The following CNKSR2 variants were observed in gnomAD, a reference collection of about 807,000 sequenced individuals.
CNKSR2 encodes the protein connector enhancer of kinase suppressor of Ras 2, also known as CNK homolog protein 2.
A neutral mutation model predicts 84.4 loss-of-function variants in CNKSR2; 14 were observed. The observed-to-expected ratio is 0.17, with a 90% CI of 0.11 to 0.26. The LOEUF is 0.26. CNKSR2 is among the 10% of genes least tolerant of loss of function. CNKSR2 has a pLI of 1.00. For synonymous variants in CNKSR2, 275 were observed against 277.9 expected, an observed-to-expected ratio of 0.99 and a Z score of 0.10; for missense variants, 485 against 771.2, an observed-to-expected ratio of 0.63 and a Z score of 4.40.
intron 1 of CNKSR2, among the ~76,000 whole-genome samples, chrX:21,419,911 T>A (rs966936497): frequency 2.7e-5 from 3 of 112,064 alleles, no homozygotes; most frequent in Non-Finnish European, 5.6e-5. Context: ...CTGCTTATGT[T>A]CTCTCAAGAC....
chrX:21,538,801 C>A (rs760063506), intron 11 of CNKSR2: 10 of 112,595 alleles, frequency 8.9e-5, no homozygotes, highest in African/African-American at 3.2e-4. Flanking sequence ...GGCTGAAGAA[C>A]CTGGAGTCTG....
intron 11 of CNKSR2, among the ~76,000 whole-genome samples, chrX:21,536,445 T>C: frequency 9.0e-6 from 1 of 111,369 alleles, no homozygotes; most frequent in East Asian, 2.8e-4. Flanking sequence ...TATAAGTTAT[T>C]CTTTAAAAGT....
rs147056923 is a variant in CNKSR2 at position 21,459,375 on chromosome X, G to A, written c.520-11391G>A. Among the ~76,000 whole-genome samples, 4 of 111,740 alleles carry A rather than the reference G, an allele frequency of 3.6e-5. No homozygotes were observed. In the East Asian group the frequency reaches 1.1e-3, roughly 32 times the overall value. ...CTCCTTGCCCCTGGTTGATAAATTT[G>A]CCACATTTGTTATACTGTTTTAAGA... On this transcript the variant is annotated intron_variant, in intron 4 of 21. Coordinates refer to ENST00000379510, the MANE Select transcript of CNKSR2 (RefSeq NM_014927.5).
At chrX:21,475,316 T>C (rs2091249053) in intron 5 of CNKSR2, among the ~76,000 whole-genome samples, 1 of 111,913 alleles carries the variant, frequency 8.9e-6, no homozygotes, top group Non-Finnish European at 1.9e-5. Context: ...AAATACCTAA[T>C]GTATACCTAC....
chrX:21,434,141 A>G (rs2090673337), intron 3 of CNKSR2, among the ~76,000 whole-genome samples: 2 of 111,019 alleles, frequency 1.8e-5, no homozygotes, highest in Non-Finnish European at 3.8e-5. Context: ...TTATAATTGT[A>G]TCTTCTTTTA....
At chrX:21,544,904 G>T (rs1203782912) in intron 11 of CNKSR2, among the ~76,000 whole-genome samples, 1 of 111,722 alleles carries the variant, frequency 9.0e-6, no homozygotes, top group Non-Finnish European at 1.9e-5. Context: ...CAGACTATGA[G>T]ATTCCCTCAG....
intron 11 of CNKSR2, among the ~76,000 whole-genome samples, chrX:21,544,848 C>T: frequency 9.0e-6 from 1 of 111,378 alleles, no homozygotes; most frequent in Non-Finnish European, 1.9e-5. Flanking sequence ...AGGAACGGTG[C>T]ATTCCGGCCC....
At position 21,439,556 on chromosome X, in the gene CNKSR2, A is replaced by G. The variant is rs182398341; in HGVS notation, c.432-1138A>G. Among the ~76,000 whole-genome samples, 296 of 110,953 alleles carry G rather than the reference A, an allele frequency of 2.7e-3. 1 individual carries two copies. The highest frequency in any genetic ancestry group is 4.6e-3 in the Non-Finnish European group (243 of 52,718). On this transcript the variant is annotated intron_variant, in intron 3 of 21. Transcript: ENST00000379510. ...AACAAAATAAGTACGGAGCAATAAG[A>G]TCCTCTTAATGATAAGAGCAGAAAT...
At chrX:21,411,748 C>T (rs375868360) in intron 1 of CNKSR2, among the ~76,000 whole-genome samples, 31 of 110,990 alleles carry the variant, frequency 2.8e-4, no homozygotes, top group African/African-American at 1.0e-3. Context: ...ATTATGGGCT[C>T]CTGGAGCACC....
At chrX:21,517,769 T>C (rs181228812) in intron 9 of CNKSR2, among the ~76,000 whole-genome samples, 47 of 111,569 alleles carry the variant, frequency 4.2e-4, no homozygotes, top group African/African-American at 1.5e-3. Flanking sequence ...CCATTATTCA[T>C]ATTAAAAAGG....
intron 1 of CNKSR2, among the ~76,000 whole-genome samples, chrX:21,399,970 T>G (rs909828286): frequency 3.9e-4 from 43 of 111,244 alleles, no homozygotes; most frequent in African/African-American, 1.2e-3. Context: ...ATGTAAAAGA[T>G]GTACTAAGTC....
chrX:21,653,097 G>A lies in CNKSR2; in HGVS notation c.*576G>A, dbSNP rs904199370. ...AGAAAAGTTCAGGTATCTAATATTC[G>A]TCTTAATAGTCTATTAACTTGTGAA... is the stretch of plus-strand genomic sequence containing the variant. On this transcript the variant is annotated 3_prime_UTR_variant, in exon 22 of 22. Coordinates refer to ENST00000379510, the MANE Select transcript of CNKSR2 (RefSeq NM_014927.5). 2 of 111,605 alleles carry A rather than the reference G, an allele frequency of 1.8e-5. No homozygotes were observed. The highest frequency in any genetic ancestry group is 6.5e-5 in the African/African-American group (2 of 30,752). 9.2% of individuals were successfully genotyped at this position (111,605 alleles called of 1,213,427 possible). A position where few individuals can be genotyped will look rare whatever the true frequency, so the allele number is the denominator to read the frequency against.
intron 9 of CNKSR2, among the ~76,000 whole-genome samples, chrX:21,517,701 A>G (rs1404020822): frequency 1.8e-5 from 2 of 110,801 alleles, no homozygotes; most frequent in African/African-American, 6.6e-5. Context: ...ATAAGAGACT[A>G]TTACCTTTTC....
chrX:21,402,563 GT>G lies in CNKSR2; in HGVS notation c.65-23932del, dbSNP rs2090205954. Among the ~76,000 whole-genome samples, 3 of 110,891 alleles carry G rather than the reference GT, an allele frequency of 2.7e-5. No individual in the cohort carries two copies. The South Asian group carries it at 1.1e-3, about 42-fold the overall frequency. On this transcript the variant is annotated intron_variant, in intron 1 of 21. Coordinates refer to ENST00000379510, the MANE Select transcript of CNKSR2 (RefSeq NM_014927.5). ...TTTAGTATCTTAGAACGTGAAACTA[GT>G]TGACATTTAATTAGCTCCTATTTAT...
At chrX:21,528,590 T>C (rs1300472485) in intron 10 of CNKSR2, among the ~76,000 whole-genome samples, 1 of 110,875 alleles carries the variant, frequency 9.0e-6, no homozygotes, top group East Asian at 2.8e-4. Context: ...AAAGGCTATA[T>C]ATTGAAGCCA....
chrX:21,481,033 C>T (rs1162042177), intron 5 of CNKSR2, among the ~76,000 whole-genome samples: 1 of 111,962 alleles, frequency 8.9e-6, no homozygotes, highest in Non-Finnish European at 1.9e-5. Flanking sequence ...TTTGTGCCTC[C>T]ATTCCTACAT....
chrX:21,599,787 T>C (rs1041050466), intron 17 of CNKSR2, among the ~76,000 whole-genome samples: 1 of 111,768 alleles, frequency 8.9e-6, no homozygotes, highest in Non-Finnish European at 1.9e-5. Context: ...TTCCCAAGAG[T>C]GGTAAGATAT....
intron 20 of CNKSR2, chrX:21,637,549 T>TA (rs747305264): frequency 4.5e-5 from 5 of 111,029 alleles, no homozygotes; most frequent in Admixed American, 9.6e-5. Flanking sequence ...TATTAAAAAA[T>TA]AAAAAAAATC....
At chrX:21,407,092 A>G (rs948128576) in intron 1 of CNKSR2, among the ~76,000 whole-genome samples, 1 of 111,421 alleles carries the variant, frequency 9.0e-6, no homozygotes, top group Non-Finnish European at 1.9e-5. Flanking sequence ...AATTTGACAG[A>G]CTAGGTTAAG....
Sources: gnomAD v4.1 joint callset for allele counts (sites outside exome capture counted in the v4.1 genomes callset) on GRCh38, gnomAD v4.1.1 for gene constraint, MANE v1.5 for transcripts, NCBI Gene and HGNC (gene_info 2026-07-23, HGNC 2026-07-21) for gene names.